Variants in POC1A observed in about 807,000 individuals in gnomAD.
The protein encoded by POC1A is POC1 centriolar protein homolog A.
A neutral mutation model predicts 47.8 loss-of-function variants in POC1A; 34 were observed. The observed-to-expected ratio is 0.71, with a 90% confidence interval of 0.54 to 0.95. The LOEUF is 0.95. Among genes scored for constraint, POC1A ranks in the 40% least tolerant of loss-of-function variants. The pLI, the probability that POC1A is intolerant of heterozygous loss-of-function variation, is 0.00. For missense variants in POC1A, 466 were observed against 528.3 expected, an observed-to-expected ratio of 0.88 and a Z score of 1.16; for synonymous variants, 177 against 207.6, an observed-to-expected ratio of 0.85 and a Z score of 1.27.
At chr3:52,114,059 G>A (rs1323989380) in intron 9 of POC1A, among the ~76,000 whole-genome samples, 1 of 152,240 alleles carries the variant, frequency 6.6e-6, no homozygotes, top group Non-Finnish European at 1.5e-5. Flanking sequence ...GAGGTTACAG[G>A]AGACACGCCA....
At chr3:52,134,619 G>A (rs967845945) in intron 7 of POC1A, among the ~76,000 whole-genome samples, 4 of 152,146 alleles carry the variant, frequency 2.6e-5, no homozygotes, top group East Asian at 1.9e-4. Context: ...GCGACAGGGC[G>A]AAACTGTCTC....
intron 9 of POC1A, among the ~76,000 whole-genome samples, chr3:52,113,383 T>G (rs539977589): frequency 6.6e-6 from 1 of 152,278 alleles, no homozygotes; most frequent in East Asian, 1.9e-4. Flanking sequence ...AGGTGCTCTG[T>G]TTCAAGCAGG....
intron 9 of POC1A, among the ~76,000 whole-genome samples, chr3:52,098,744 C>T (rs1226703444): frequency 6.6e-6 from 1 of 152,198 alleles, no homozygotes; most frequent in Non-Finnish European, 1.5e-5. Context: ...TCAGAAAACA[C>T]CACAGCACTT....
intron 9 of POC1A, among the ~76,000 whole-genome samples, chr3:52,107,371 A>C (rs544647424): frequency 6.6e-6 from 1 of 152,254 alleles, no homozygotes; most frequent in East Asian, 1.9e-4. Flanking sequence ...CCAGGCCCAC[A>C]CTCCTGCTGA....
intron 7 of POC1A, among the ~76,000 whole-genome samples, chr3:52,132,666 T>C (rs911149442): frequency 6.6e-6 from 1 of 152,152 alleles, no homozygotes; most frequent in African/African-American, 2.4e-5. Flanking sequence ...AGCACCAGAA[T>C]TCTTCAGGGC....
chr3:52,135,853 C>T (rs1011884001), intron 7 of POC1A, among the ~76,000 whole-genome samples: 2 of 152,158 alleles, frequency 1.3e-5, no homozygotes, highest in Non-Finnish European at 2.9e-5. Flanking sequence ...GTGGGAGGGG[C>T]GCAGGAATCA....
In POC1A at chr3:52,146,992, C is replaced by G. The variant is rs747011335; in HGVS notation, c.559G>C (p.Gly187Arg). 1 of 1,613,332 alleles carries G rather than the reference C, an allele frequency of 6.2e-7. No individual in the cohort carries two copies. Among genetic ancestry groups the G allele is most frequent in the Non-Finnish European group, 8.5e-7 (1 of 1,179,230 alleles). ...RECVHSYCEHGGFVTYVDFHP... is the reference protein window; with the variant it reads ...RECVHSYCEHRGFVTYVDFHP... ...GGACAGCATCTGGGGACTCACCCGCCATGCTCACAATACGAGTGGACACAT... is the reference window on the plus strand; with the variant it reads ...GGACAGCATCTGGGGACTCACCCGCGATGCTCACAATACGAGTGGACACAT... The change falls in exon 5 of 11, where the codon GGC becomes CGC. Residue 187 changes from glycine to arginine, a missense_variant. By Grantham distance (125) the Gly-to-Arg change is moderately radical. Coordinates refer to ENST00000296484, the MANE Select transcript of POC1A (RefSeq NM_015426.5).
intron 10 of POC1A, 41 bp from the exon 11 acceptor site, chr3:52,076,026 C>A: frequency 6.6e-7 from 1 of 1,510,666 alleles, no homozygotes; most frequent in South Asian, 1.1e-5. Flanking sequence ...ACAGAAGGGC[C>A]GCCAGGCTGC....
chr3:52,116,003 T>C (rs1471573885), intron 9 of POC1A, among the ~76,000 whole-genome samples: 1 of 152,182 alleles, frequency 6.6e-6, no homozygotes, highest in Non-Finnish European at 1.5e-5. Context: ...ACTGCACTTG[T>C]ACTTCTGAAA....
intron 7 of POC1A, among the ~76,000 whole-genome samples, chr3:52,132,548 G>A (rs1704256495): frequency 6.6e-6 from 1 of 152,078 alleles, no homozygotes; most frequent in Admixed American, 6.5e-5. Context: ...ACCATAACCT[G>A]CAGGCAGCAC....
chr3:52,103,834 C>A (rs1703080392), intron 9 of POC1A, among the ~76,000 whole-genome samples: 1 of 151,714 alleles, frequency 6.6e-6, no homozygotes, highest in Non-Finnish European at 1.5e-5. Flanking sequence ...AAAAAAAAAA[C>A]TGATCATGCC....
At chr3:52,146,040 C>A in intron 5 of POC1A, 79 bp from the exon 6 acceptor site, 1 of 819,510 alleles carries the variant, frequency 1.2e-6, no homozygotes, top group Admixed American at 2.0e-5. Context: ...TGGTGCTTTC[C>A]CCATCCCTGT....
chr3:52,120,255 A>G (rs964949157), intron 9 of POC1A, among the ~76,000 whole-genome samples: 21 of 152,170 alleles, frequency 1.4e-4, no homozygotes, highest in African/African-American at 4.8e-4. Context: ...TTTGTGTTAT[A>G]TATATATATG....
Position 52,116,791 on chromosome 3 carries a change from C to A in POC1A, c.981+5588G>T, listed in dbSNP as rs1228731765. Among the ~76,000 whole-genome samples the A allele has an allele frequency of 2.0e-5, 3 of 152,254 alleles. No individual in the cohort carries two copies. In the South Asian group the frequency reaches 6.2e-4, roughly 32 times the overall value. On this transcript the variant is annotated intron_variant, in intron 9 of 10. Transcript: ENST00000296484. ...GTGGGGCAGGCGTGGTAGTTCACAC[C>A]TATAATCCCAATGCTTTGGGAGGCA...
intron 10 of POC1A, among the ~76,000 whole-genome samples, chr3:52,082,921 T>C (rs1380009938): frequency 6.6e-6 from 1 of 152,020 alleles, no homozygotes; most frequent in Non-Finnish European, 1.5e-5. Context: ...CATAGAGTAA[T>C]TAGGTGTCTG....
chr3:52,107,290 T>C (rs1223845051), intron 9 of POC1A, among the ~76,000 whole-genome samples: 1 of 152,204 alleles, frequency 6.6e-6, no homozygotes, highest in East Asian at 1.9e-4. Context: ...GAGCCGGTTT[T>C]AGGAACACAG....
intron 1 of POC1A, among the ~76,000 whole-genome samples, chr3:52,151,715 T>C (rs1698565177): frequency 6.7e-6 from 1 of 149,996 alleles, no homozygotes; most frequent in Non-Finnish European, 1.5e-5. Context: ...ACTTAAAAAA[T>C]GGAAAGACAT....
At chr3:52,129,172 G>A (rs751186278) in intron 7 of POC1A, among the ~76,000 whole-genome samples, 2 of 152,100 alleles carry the variant, frequency 1.3e-5, no homozygotes, top group East Asian at 1.9e-4. Flanking sequence ...CCAGCTACTC[G>A]AGAGGCTGAG....
intron 7 of POC1A, among the ~76,000 whole-genome samples, chr3:52,137,150 T>A (rs1463577704): frequency 6.6e-6 from 1 of 152,134 alleles, no homozygotes; most frequent in East Asian, 1.9e-4. Context: ...ACACTGGATA[T>A]GTCTCTGACA....
Sources: allele counts gnomAD v4.1 joint callset (sites outside exome capture counted in the v4.1 genomes callset), GRCh38; gene constraint gnomAD v4.1.1; transcripts MANE v1.5; gene names NCBI Gene and HGNC (gene_info 2026-07-23, HGNC 2026-07-21).